PLCB2: variants seen among roughly 807,000 people sequenced by gnomAD.
The protein encoded by PLCB2 is 1-phosphatidylinositol 4,5-bisphosphate phosphodiesterase beta-2.
PLCB2 carries 115 observed loss-of-function variants against 141.7 expected under a neutral mutation model. The observed-to-expected ratio is 0.81, with a 90% CI of 0.70 to 0.95. The LOEUF (loss-of-function observed/expected upper bound fraction) is 0.95. Among genes scored for constraint, PLCB2 ranks in the 40% least tolerant of loss-of-function variants. The pLI is 0.00. For synonymous variants in PLCB2, 603 were observed against 595.6 expected (o/e 1.01, Z -0.18); for missense variants, 1,403 against 1,541.1 (o/e 0.91, Z 1.50).
chr15:40,293,415 G>A (rs2040035920), intron 20 of PLCB2, 145 bp downstream of exon 20: 15 of 798,696 alleles, frequency 1.9e-5, no homozygotes, highest in Non-Finnish European at 1.0e-5. Context: ...CTTGGGTTTT[G>A]CACTCTTGAA....
chr15:40,301,986 G>A lies in PLCB2; in HGVS notation c.553C>T (p.Leu185Phe), dbSNP rs2040532447. The A allele has an allele frequency of 1.9e-6, 3 of 1,614,078 alleles. No homozygotes were observed. The highest frequency in any genetic ancestry group is 2.5e-6 in the Non-Finnish European group (3 of 1,179,946). ...PADRKRVEAA[L>F]SACHLPKGKN... ...CCTTTGGGGAGGTGGCAGGCACTGA[G>A]AGCAGCTTCCACCCGCTTGCGGTCA... The change falls in exon 7 of 32, where the codon CTC becomes TTC. Residue 185 changes from leucine to phenylalanine, a missense_variant. Physicochemically the swap from Leu to Phe is conservative, Grantham distance 22. Coordinates refer to ENST00000260402, the MANE Select transcript of PLCB2 (RefSeq NM_004573.3).
Position 40,291,119 on chromosome 15 carries a change from G to T in PLCB2, c.2935C>A (p.Arg979Ser), listed in dbSNP as rs1403593963. Reference sequence around the variant, plus strand: ...AGCCTGTCTTTCAGCTCCCGCACGCGCCCGTCCACGCCCTCAGGGCCCTCG... The same window carrying T: ...AGCCTGTCTTTCAGCTCCCGCACGCTCCCGTCCACGCCCTCAGGGCCCTCG... ...PGEGPEGVDG[R>S]VRELKDRLEL... Residue 979 changes from arginine to serine, a missense_variant, in exon 27 of 32, where the codon CGC becomes AGC. By Grantham distance (110) the Arg-to-Ser change is moderately radical. Coordinates refer to ENST00000260402, the MANE Select transcript of PLCB2 (RefSeq NM_004573.3). 2 of 1,577,350 alleles carry T rather than the reference G, an allele frequency of 1.3e-6. No individual in the cohort carries two copies. The highest frequency in any genetic ancestry group is 1.7e-6 in the Non-Finnish European group (2 of 1,169,662).
rs369066758 is a variant in PLCB2 at position 40,297,548 on chromosome 15, C to G, written c.1296G>C (p.Leu432=). Residue 432 remains leucine (L), a synonymous_variant, in exon 13 of 32, where the codon CTG becomes CTC. Coordinates refer to ENST00000260402, the MANE Select transcript of PLCB2 (RefSeq NM_004573.3). The surrounding 1 kb of genome is among the most constrained non-coding windows in gnomAD (Gnocchi z 4.2). ...GGAACTTTTCCAGGGGCTCTGTGAG[C>G]AGCATATCCCCAAAGATCGTCCGGC... ...EYCRTIFGDM[L]LTEPLEKFPL... is the part of the protein sequence containing the mutation. 1.4e-4 allele frequency: 221 copies of G among 1,613,980 alleles called. No individual in the cohort carries two copies. The highest frequency in any genetic ancestry group is 1.7e-4 in the Non-Finnish European group (204 of 1,179,958).
downstream of PLCB2, among the ~76,000 whole-genome samples, chr15:40,286,654 A>G (rs951452385): frequency 6.6e-6 from 1 of 152,122 alleles, no homozygotes; most frequent in Non-Finnish European, 1.5e-5. Context: ...GGTGTCCTTC[A>G]CCTGCCCCAG....
chr15:40,295,355 T>C, intron 16 of PLCB2, 70 bp from the exon 17 acceptor site: 1 of 1,055,702 alleles, frequency 9.5e-7, no homozygotes, highest in Non-Finnish European at 1.5e-6. Flanking sequence ...GGCCTCCCCT[T>C]TGGGGCAGCT....
At chr15:40,284,836 C>CAAAAAAA (rs56397946), downstream of PLCB2, among the ~76,000 whole-genome samples, 17 of 74,878 alleles carry the variant, frequency 2.3e-4, no homozygotes, top group South Asian at 1.2e-3. Context: ...GAGACTCCGT[C>CAAAAAAA]AAAAAAAAAA....
At chr15:40,305,107 G>C (rs1448565954) in intron 1 of PLCB2, among the ~76,000 whole-genome samples, 1 of 151,932 alleles carries the variant, frequency 6.6e-6, no homozygotes, top group Non-Finnish European at 1.5e-5. Context: ...GGGAGAGTTG[G>C]AGTGCCTGAT....
intron 18 of PLCB2, 48 bp from the exon 19 acceptor site, chr15:40,294,468 T>G: frequency 1.3e-6 from 2 of 1,592,220 alleles, no homozygotes; most frequent in Non-Finnish European, 1.7e-6. Flanking sequence ...CCTGGGGCTG[T>G]GCCCAGTCTC....
chr15:40,302,306 G>T lies in PLCB2; in HGVS notation c.416C>A (p.Thr139Lys). Residue 139 changes from threonine to lysine, a missense_variant, in exon 5 of 32, where the codon ACG becomes AAG. Thr to Lys is a moderately conservative substitution (Grantham distance 78). Coordinates refer to ENST00000260402, the MANE Select transcript of PLCB2 (RefSeq NM_004573.3). ...GAAGGTGCTGCGGGAGGCGTTGGCC[G>T]TCAGCGGATGTTTGACTAGGGCCAG... is the stretch of plus-strand genomic sequence containing the variant. Reference protein sequence around the residue: ...DVLALVKHPLTANASRSTFLD... With the variant: ...DVLALVKHPLKANASRSTFLD... 6.2e-7 allele frequency: 1 copy of T among 1,614,152 alleles called. No homozygotes were observed. Among genetic ancestry groups the T allele is most frequent in the Non-Finnish European group, 8.5e-7 (1 of 1,180,018 alleles).
chr15:40,303,873 T>C, intron 2 of PLCB2, 128 bp downstream of exon 2: 2 of 653,678 alleles, frequency 3.1e-6, no homozygotes, highest in South Asian at 3.7e-5. Context: ...GGGGAGCCTC[T>C]GGAGCCACCC....
intron 7 of PLCB2, 58 bp downstream of exon 7, chr15:40,301,899 T>C: frequency 6.6e-7 from 1 of 1,503,762 alleles, no homozygotes; most frequent in Admixed American, 1.7e-5. Context: ...CCTGGCCAAG[T>C]TGCTTTCTGG....
chr15:40,303,927 G>C, intron 2 of PLCB2, 74 bp downstream of exon 2: 5 of 1,052,954 alleles, frequency 4.7e-6, no homozygotes, highest in Non-Finnish European at 7.2e-6. Context: ...CCTCCACCTT[G>C]GTGCAGCCAG....
downstream of PLCB2, among the ~76,000 whole-genome samples, chr15:40,284,737 G>A (rs1425577206): frequency 6.7e-6 from 1 of 150,332 alleles, no homozygotes; most frequent in Non-Finnish European, 1.5e-5. Flanking sequence ...CTACTTGGGA[G>A]GCTGACGCAG....
At chr15:40,302,747 C>G in intron 3 of PLCB2, 138 bp from the exon 4 acceptor site, 1 of 895,110 alleles carries the variant, frequency 1.1e-6, no homozygotes, top group Non-Finnish European at 1.7e-6. Context: ...AACCACAGGC[C>G]TTAGCATCTT....
Position 40,288,890 on chromosome 15 carries a change from T to C in PLCB2, c.3383A>G (p.Glu1128Gly), listed in dbSNP as rs763121112. 2.5e-6 allele frequency: 4 copies of C among 1,613,546 alleles called. No individual in the cohort carries two copies. Among genetic ancestry groups the C allele is most frequent in the Non-Finnish European group, 3.4e-6 (4 of 1,179,968 alleles). The change falls in exon 32 of 32, where the codon GAG (glutamate) becomes GGG (glycine). Residue 1128 changes from glutamate (E) to glycine (G), a missense_variant. Transcript: ENST00000260402. ...QFQKEALAEY[E>G]ARMKGLEAEV... Reference sequence around the variant, plus strand: ...TGCCTCCAGACCCTTCATCCTGGCCTCGTACTCTGCCAGCGCCTCCTTCTG... The same window carrying C: ...TGCCTCCAGACCCTTCATCCTGGCCCCGTACTCTGCCAGCGCCTCCTTCTG...
At chr15:40,298,198 C>A (rs186867156) in intron 11 of PLCB2, 25 bp downstream of exon 11, 1 of 1,534,770 alleles carries the variant, frequency 6.5e-7, no homozygotes, top group East Asian at 2.3e-5. Context: ...GCCACGGCCA[C>A]CAGCCTCTGT....
At position 40,289,952 on chromosome 15, in the gene PLCB2, AGAGAGAGAGAGAGAGAGT is replaced by A. The variant is rs1170050159; in HGVS notation, c.3267+55_3267+72del. 1.4e-4 allele frequency: 73 copies of A among 539,940 alleles called. No homozygotes were observed. The African/African-American group carries it at 1.7e-3, about 13-fold the overall frequency. 33.4% of individuals were successfully genotyped at this position (539,940 alleles called of 1,614,324 possible). On this transcript the variant is annotated intron_variant, in intron 30 of 31. Coordinates refer to ENST00000260402, the MANE Select transcript of PLCB2 (RefSeq NM_004573.3). Reference sequence around the variant, plus strand: ...AAGAGAGAGAGAGAGAGAGAGAGAGAGAGAGAGAGAGAGAGAGTGTGTGTGTGTGTGTGTGTGTGTGTG... The same window carrying A: ...AAGAGAGAGAGAGAGAGAGAGAGAGAGTGTGTGTGTGTGTGTGTGTGTGTG...
chr15:40,286,263 C>T (rs1229258675), downstream of PLCB2, among the ~76,000 whole-genome samples: 1 of 152,116 alleles, frequency 6.6e-6, no homozygotes, highest in Non-Finnish European at 1.5e-5. Context: ...CCTGTCCCAC[C>T]TGCTGGGCCT....
At position 40,302,001 on chromosome 15, in the gene PLCB2, G is replaced by C. The variant is rs374092692; in HGVS notation, c.538C>G (p.Arg180Gly). The change falls in exon 7 of 32, where the codon CGG (arginine) becomes GGG (glycine). Residue 180 changes from arginine (R) to glycine (G), a missense_variant. Coordinates refer to ENST00000260402, the MANE Select transcript of PLCB2 (RefSeq NM_004573.3). ...CAGGCACTGAGAGCAGCTTCCACCCGCTTGCGGTCAGCAGGAAACATCTGG... is the reference window on the plus strand; with the variant it reads ...CAGGCACTGAGAGCAGCTTCCACCCCCTTGCGGTCAGCAGGAAACATCTGG... ...FFQMFPADRK[R>G]VEAALSACHL... The C allele has an allele frequency of 6.2e-7, 1 of 1,614,016 alleles. No homozygotes were observed. The highest frequency in any genetic ancestry group is 1.7e-5 in the Admixed American group (1 of 60,010).
Sources: gnomAD v4.1 joint callset for allele counts (sites outside exome capture counted in the v4.1 genomes callset) on GRCh38, gnomAD v4.1.1 for gene constraint, Gnocchi (gnomAD v3.1) non-coding constraint, MANE v1.5 for transcripts, NCBI Gene and HGNC (gene_info 2026-07-23, HGNC 2026-07-21) for gene names.